The following MLIP variants were observed in gnomAD, a reference collection of about 807,000 sequenced individuals.
MLIP encodes muscular LMNA interacting protein, also known as muscular LMNA-interacting protein.
Under a neutral mutation model 84.8 loss-of-function variants are expected in MLIP, and 79 were observed. The ratio of observed to expected loss-of-function variants is 0.93; its 90% CI spans 0.78 to 1.12. The LOEUF is 1.12. MLIP is among the 50% of genes most tolerant of loss of function. The probability of loss-of-function intolerance (pLI) is 0.00; values close to 1 mark genes in which losing one functional copy is unlikely to be tolerated. For synonymous variants in MLIP, 504 were observed against 463.0 expected (o/e 1.09, Z -1.14); for missense variants, 1,257 against 1,160.6 (o/e 1.08, Z -1.21).
At chr6:54,114,073 A>C (rs557405223) in intron 1 of MLIP, among the ~76,000 whole-genome samples, 2 of 152,308 alleles carry the variant, frequency 1.3e-5, no homozygotes, top group Admixed American at 1.3e-4. Context: ...CTTTCTGACT[A>C]CTGTCAGTGA....
chr6:54,264,101 T>C (rs1173082754), intron 13 of MLIP, among the ~76,000 whole-genome samples: 1 of 152,044 alleles, frequency 6.6e-6, no homozygotes, highest in East Asian at 1.9e-4. Context: ...TTTGACCTGC[T>C]GGTGGGTTCG....
intron 13 of MLIP, among the ~76,000 whole-genome samples, chr6:54,257,739 T>C (rs1783104929): frequency 6.6e-6 from 1 of 152,012 alleles, no homozygotes; most frequent in Non-Finnish European, 1.5e-5. Flanking sequence ...AGTCACAGTA[T>C]CTCATGGTAT....
chr6:54,171,581 T>TA (rs2150598993), intron 9 of MLIP, among the ~76,000 whole-genome samples: 1 of 151,736 alleles, frequency 6.6e-6, no homozygotes, highest in South Asian at 2.1e-4. Flanking sequence ...TGATGTCTGA[T>TA]ACATTTAGTT....
intron 9 of MLIP, among the ~76,000 whole-genome samples, chr6:54,183,673 A>G (rs1417462271): frequency 6.6e-6 from 1 of 150,608 alleles, no homozygotes; most frequent in African/African-American, 2.4e-5. Flanking sequence ...TCTACTCTTT[A>G]TATTAGATAT....
upstream of MLIP, chr6:54,111,399 G>T: frequency 6.6e-7 from 1 of 1,512,094 alleles, no homozygotes; most frequent in Non-Finnish European, 8.8e-7. Flanking sequence ...CTTTCTGCGT[G>T]AGTGTGTGTG....
chr6:54,077,036 A>G (rs188815898), intron 1 of MLIP, among the ~76,000 whole-genome samples: 1 of 152,334 alleles, frequency 6.6e-6, no homozygotes. Flanking sequence ...TAGAACAAAT[A>G]CTGAGAGAAC....
At position 54,151,559 on chromosome 6, in the gene MLIP, C is replaced by T. The variant is rs1454974550; in HGVS notation, c.2289+2432C>T. ...AATCACAGAAGGTTTTCTGAGATCC[C>T]TTTGATATCACACAGAACACCACAA... On this transcript the variant is annotated intron_variant, in intron 5 of 13. Transcript: ENST00000502396. Among the ~76,000 whole-genome samples the T allele has an allele frequency of 2.6e-5, 4 of 152,184 alleles. No individual in the cohort carries two copies. The East Asian group carries it at 7.7e-4, about 29-fold the overall frequency.
At chr6:54,019,192 T>G in intron 1 of MLIP, 1 of 1,211,338 alleles carries the variant, frequency 8.3e-7, no homozygotes, top group Non-Finnish European at 1.2e-6. Flanking sequence ...GGCCTCTGTT[T>G]CCATGTTTTG....
chr6:54,153,702 T>A (rs1305304461), intron 5 of MLIP, among the ~76,000 whole-genome samples: 2 of 151,426 alleles, frequency 1.3e-5, no homozygotes, highest in Admixed American at 6.6e-5. Context: ...ACAAAAAAAA[T>A]TTAACTGGGT....
In MLIP at chr6:54,265,963, G is replaced by C. The variant is rs748797081; in HGVS notation, c.*8G>C. The C allele has an allele frequency of 1.2e-6, 2 of 1,611,636 alleles. No individual in the cohort carries two copies. Among genetic ancestry groups the C allele is most frequent in the South Asian group, 2.2e-5 (2 of 90,934 alleles). ...CTTATTTTACAGCAATGAAGTTGGAGCAGAGGCTGAAAACACAGGCTGCTG... is the reference window on the plus strand; with the variant it reads ...CTTATTTTACAGCAATGAAGTTGGACCAGAGGCTGAAAACACAGGCTGCTG... On this transcript the variant is annotated 3_prime_UTR_variant, in exon 14 of 14. Coordinates refer to ENST00000502396, the MANE Select transcript of MLIP (RefSeq NM_001281747.2).
intron 11 of MLIP, chr6:54,215,402 A>G (rs1273544093): frequency 1.0e-5 from 13 of 1,278,170 alleles, no homozygotes; most frequent in Non-Finnish European, 1.3e-5. Context: ...TGGAACCCAT[A>G]CTAATAAGTA....
intron 10 of MLIP, 121 bp downstream of exon 10, chr6:54,190,035 A>G (rs1033609752): frequency 1.8e-5 from 13 of 730,900 alleles, no homozygotes; most frequent in Admixed American, 3.0e-5. Context: ...TTACTTGTCT[A>G]ATAACATTTT....
chr6:54,105,288 G>A (rs149072202), intron 1 of MLIP, among the ~76,000 whole-genome samples: 160 of 152,208 alleles, frequency 1.1e-3, no homozygotes, highest in African/African-American at 3.6e-3. Flanking sequence ...GCCCGTATAC[G>A]TTTGACTCTT....
At chr6:54,201,989 T>TA (rs897487231) in intron 10 of MLIP, 116 bp from the exon 11 acceptor site, 3 of 723,816 alleles carry the variant, frequency 4.1e-6, no homozygotes, top group African/African-American at 1.9e-5. Flanking sequence ...ATTTTAAAAT[T>TA]AAAAAAATAT....
chr6:54,254,009 T>C (rs1400578515), intron 12 of MLIP, among the ~76,000 whole-genome samples: 1 of 151,404 alleles, frequency 6.6e-6, no homozygotes, highest in African/African-American at 2.4e-5. Context: ...AACATAGTAG[T>C]TTGTTTTCCA....
chr6:54,244,790 T>G (rs1781966882), intron 12 of MLIP, among the ~76,000 whole-genome samples: 1 of 152,190 alleles, frequency 6.6e-6, no homozygotes. Context: ...TTTCTCTTTT[T>G]GGCTTAATCT....
intron 4 of MLIP, 62 bp from the exon 5 acceptor site, chr6:54,148,994 A>C: frequency 7.1e-7 from 1 of 1,400,070 alleles, no homozygotes. Context: ...AACTGTCTGA[A>C]AATTATGTCA....
chr6:54,230,543 A>C lies in MLIP; in HGVS notation c.2719-171A>C, dbSNP rs557236015. On this transcript the variant is annotated intron_variant, in intron 11 of 13. Coordinates refer to ENST00000502396, the MANE Select transcript of MLIP (RefSeq NM_001281747.2). ...GGAATGAAAGGAATTTTTGAAAGAG[A>C]CACACAATATACACTGAAAGCAGTT... 2.0e-5 allele frequency among the ~76,000 whole-genome samples: 3 copies of C among 152,300 alleles called. No homozygotes were observed. In the South Asian group the frequency reaches 6.2e-4, roughly 32 times the overall value.
intron 1 of MLIP, among the ~76,000 whole-genome samples, chr6:54,086,406 G>C (rs898314418): frequency 3.3e-5 from 5 of 152,030 alleles, no homozygotes; most frequent in African/African-American, 1.2e-4. Context: ...TTAATTTTTA[G>C]TATTACTTTG....
Sources: allele counts gnomAD v4.1 joint callset (sites outside exome capture counted in the v4.1 genomes callset), GRCh38; gene constraint gnomAD v4.1.1; transcripts MANE v1.5; gene names NCBI Gene and HGNC (gene_info 2026-07-23, HGNC 2026-07-21).